Variants in PLCB2 observed in about 807,000 individuals in gnomAD.
The protein encoded by PLCB2 is phospholipase C beta 2.
Under a neutral mutation model 141.7 loss-of-function variants are expected in PLCB2, and 115 were observed. The ratio of observed to expected loss-of-function variants is 0.81; its 90% confidence interval spans 0.70 to 0.95. The LOEUF is 0.95. Ranked by LOEUF, PLCB2 falls within the 40% of genes least tolerant of loss-of-function variation. The pLI is 0.00. For synonymous variants in PLCB2, 603 were observed against 595.6 expected, an observed-to-expected ratio of 1.01 and a Z score of -0.18; for missense variants, 1,403 against 1,541.1, an observed-to-expected ratio of 0.91 and a Z score of 1.50.
In PLCB2 at chr15:40,292,107, G is replaced by T; in HGVS notation, c.2483C>A (p.Thr828Lys). ...NPIKFFSAHD[T>K]KSVKLKEAMG... ...GGCCTCCTTGAGCTTCACAGACTTC[G>T]TGTCATGGGCACTGAAGAACTTAAT... Residue 828 changes from threonine to lysine, a missense_variant, in exon 23 of 32, where the codon ACG (threonine) becomes AAG (lysine). Thr to Lys is a moderately conservative substitution (Grantham distance 78, BLOSUM62 -1). Coordinates refer to ENST00000260402, the MANE Select transcript of PLCB2 (RefSeq NM_004573.3). The T allele has an allele frequency of 6.2e-7, 1 of 1,614,204 alleles. No homozygotes were observed. The highest frequency in any genetic ancestry group is 8.5e-7 in the Non-Finnish European group (1 of 1,180,034).
Position 40,294,438 on chromosome 15 carries a change from C to T in PLCB2, c.1907-18G>A. Reference sequence around the variant, plus strand: ...GGGCAAGTCTGGAGGGACAAGGACACTCAGTGAGGAAGGCCCAGCCCTGGG... The same window carrying T: ...GGGCAAGTCTGGAGGGACAAGGACATTCAGTGAGGAAGGCCCAGCCCTGGG... On this transcript the variant is annotated intron_variant, in intron 18 of 31. Coordinates refer to ENST00000260402, the MANE Select transcript of PLCB2 (RefSeq NM_004573.3). 6.2e-7 allele frequency: 1 copy of T among 1,613,770 alleles called. No individual in the cohort carries two copies. The highest frequency in any genetic ancestry group is 8.5e-7 in the Non-Finnish European group (1 of 1,179,954).
intron 1 of PLCB2, among the ~76,000 whole-genome samples, chr15:40,305,030 A>G (rs1219592597): frequency 6.6e-6 from 1 of 152,182 alleles, no homozygotes; most frequent in Non-Finnish European, 1.5e-5. Flanking sequence ...GGGAAAAGGG[A>G]AAATTTTTGT....
At position 40,292,925 on chromosome 15, in the gene PLCB2, C is replaced by T. The variant is rs200808230; in HGVS notation, c.2326+1G>A. The T allele has an allele frequency of 2.1e-5, 33 of 1,590,774 alleles. No homozygotes were observed. Among genetic ancestry groups the T allele is most frequent in the Non-Finnish European group, 2.8e-5 (33 of 1,163,506 alleles). ...GAACAGTGAAGGACCCCACTCCTTA[C>T]CAGAATTTAGGGCATTGATGGGGAT... On this transcript the variant is annotated splice_donor_variant, in intron 21 of 31. Transcript: ENST00000260402. LOFTEE classifies it high-confidence loss of function.
intron 7 of PLCB2, among the ~76,000 whole-genome samples, chr15:40,300,244 G>A (rs1273413272): frequency 1.3e-5 from 2 of 152,212 alleles, no homozygotes; most frequent in Non-Finnish European, 2.9e-5. Flanking sequence ...GAACCTGGGA[G>A]GCAGAGGTTG....
chr15:40,291,112 C>G lies in PLCB2; in HGVS notation c.2942G>C (p.Arg981Pro), dbSNP rs748328477. The change falls in exon 27 of 32, where the codon CGG becomes CCG. Residue 981 changes from arginine (R) to proline (P), a missense_variant. By Grantham distance (103) the Arg-to-Pro change is moderately radical (BLOSUM62 -2). Transcript: ENST00000260402. ...EGPEGVDGRVRELKDRLELEL... is the reference protein window; with the variant it reads ...EGPEGVDGRVPELKDRLELEL... ...CAGCTCCAGCCTGTCTTTCAGCTCC[C>G]GCACGCGCCCGTCCACGCCCTCAGG... 1 of 1,580,760 alleles carries G rather than the reference C, an allele frequency of 6.3e-7. No homozygotes were observed. Among genetic ancestry groups the G allele is most frequent in the Admixed American group, 1.7e-5 (1 of 57,806 alleles).
chr15:40,295,016 C>G lies in PLCB2; in HGVS notation c.1826G>C (p.Arg609Pro). 1 of 1,613,966 alleles carries G rather than the reference C, an allele frequency of 6.2e-7. No homozygotes were observed. Among genetic ancestry groups the G allele is most frequent in the Non-Finnish European group, 8.5e-7 (1 of 1,179,922 alleles). Residue 609 changes from arginine to proline, a missense_variant, in exon 18 of 32, where the codon CGC becomes CCC. Arg to Pro is a moderately radical substitution (Grantham distance 103). Coordinates refer to ENST00000260402, the MANE Select transcript of PLCB2 (RefSeq NM_004573.3). ...QMSRIYPKGT[R>P]MDSSNYMPQM... is the part of the protein sequence containing the mutation. ...GGGCATGTAGTTGGAGGAGTCCATG[C>G]GGGTTCCCTTGGGGTAAATGCGGCT...
Position 40,295,614 on chromosome 15 carries a change from C to A in PLCB2, c.1697-329G>T, listed in dbSNP as rs540727563. ...GGGGGTCAGTAACATGCTGTGCACACATGAAATGTGAACACATGCTTTGAT... is the reference window on the plus strand; with the variant it reads ...GGGGGTCAGTAACATGCTGTGCACAAATGAAATGTGAACACATGCTTTGAT... On this transcript the variant is annotated intron_variant, in intron 16 of 31. Coordinates refer to ENST00000260402, the MANE Select transcript of PLCB2 (RefSeq NM_004573.3). Among the ~76,000 whole-genome samples the A allele has an allele frequency of 1.7e-3, 261 of 152,292 alleles. 3 individuals carry two copies. Among genetic ancestry groups the A allele is most frequent in the Non-Finnish European group, 9.1e-4 (62 of 68,014 alleles).
chr15:40,302,264 A>C lies in PLCB2; in HGVS notation c.452+6T>G. The stretch of plus-strand genomic sequence containing the variant: ...CCAGGGCTCAGGCCAGGCAGAGGGC[A>C]CTTACATCTTGTCCAGGAAGGTGCT... On this transcript the variant is annotated splice_donor_region_variant and intron_variant, in intron 5 of 31. Transcript: ENST00000260402. 6.2e-7 allele frequency: 1 copy of C among 1,614,166 alleles called. No individual in the cohort carries two copies. Among genetic ancestry groups the C allele is most frequent in the South Asian group, 1.1e-5 (1 of 91,080 alleles).
chr15:40,297,571 G>A lies in PLCB2; in HGVS notation c.1273C>T (p.Arg425Trp), dbSNP rs369261333. 3.3e-5 allele frequency: 53 copies of A among 1,614,006 alleles called. No homozygotes were observed. Among genetic ancestry groups the A allele is most frequent in the East Asian group, 1.3e-4 (6 of 44,890 alleles). Reference protein sequence around the residue: ...RQQAKMAEYCRTIFGDMLLTE... With the variant: ...RQQAKMAEYCWTIFGDMLLTE... ...AGCAGCATATCCCCAAAGATCGTCCGGCAATACTCAGCCATCTTAGCCTGC... is the reference window on the plus strand; with the variant it reads ...AGCAGCATATCCCCAAAGATCGTCCAGCAATACTCAGCCATCTTAGCCTGC... Residue 425 changes from arginine (R) to tryptophan (W), a missense_variant, in exon 13 of 32, where the codon CGG (arginine) becomes TGG (tryptophan). Physicochemically the swap from Arg to Trp is moderately radical, Grantham distance 101. This residue lies in a region of PLCB2 where 975 missense variants were observed against 1,141.1 expected (regional missense o/e 0.85). Transcript: ENST00000260402. The surrounding 1 kb of genome is among the most constrained non-coding windows in gnomAD (Gnocchi z 4.2).
intron 1 of PLCB2, 52 bp downstream of exon 1, chr15:40,307,537 C>T: frequency 1.7e-6 from 2 of 1,207,928 alleles, no homozygotes; most frequent in Non-Finnish European, 1.2e-6. Context: ...CCCGTAGCAG[C>T]CCGGCCCCCA....
At chr15:40,284,575 C>T, downstream of PLCB2, 1 of 454,278 alleles carries the variant, frequency 2.2e-6, no homozygotes, top group Non-Finnish European at 4.4e-6. Flanking sequence ...GGTGCAGTGG[C>T]TCACGCCTGT....
intron 2 of PLCB2, 123 bp downstream of exon 2, chr15:40,303,878 C>T (rs2040654458): frequency 4.5e-6 from 3 of 667,884 alleles, no homozygotes. Flanking sequence ...GCCTCTGGAG[C>T]CACCCTTCCA....
At chr15:40,287,078 C>T (rs2039623048), downstream of PLCB2, among the ~76,000 whole-genome samples, 1 of 152,226 alleles carries the variant, frequency 6.6e-6, no homozygotes, top group Non-Finnish European at 1.5e-5. Flanking sequence ...GAATCCTCAC[C>T]TTTACAGCCC....
downstream of PLCB2, chr15:40,285,652 GA>G: frequency 1.0e-6 from 1 of 985,406 alleles, no homozygotes; most frequent in South Asian, 4.7e-5. Flanking sequence ...CTCAGCAGAA[GA>G]AAGGCTTTTC....
At position 40,290,098 on chromosome 15, in the gene PLCB2, G is replaced by T; in HGVS notation, c.3210-16C>A. ...TCTCTTCAACCTGTTGGTGTAATTG[G>T]AGTTTTAGAAAAGGGAGAAAACCCC... On this transcript the variant is annotated splice_polypyrimidine_tract_variant and intron_variant, in intron 29 of 31. Transcript: ENST00000260402. The T allele has an allele frequency of 1.9e-6, 3 of 1,577,862 alleles. No individual in the cohort carries two copies. Among genetic ancestry groups the T allele is most frequent in the Non-Finnish European group, 1.7e-6 (2 of 1,147,074 alleles).
chr15:40,296,347 G>C lies in PLCB2; in HGVS notation c.1645C>G (p.Leu549Val). Residue 549 changes from leucine to valine, a missense_variant, in exon 16 of 32, where the codon CTA becomes GTA. Physicochemically the swap from Leu to Val is conservative, Grantham distance 32 (BLOSUM62 1). Coordinates refer to ENST00000260402, the MANE Select transcript of PLCB2 (RefSeq NM_004573.3). The stretch of plus-strand genomic sequence containing the variant: ...TTGGTGGGCTGGATGTAATTGACTA[G>C]GCTGGACATCTCCTCATAAGCCGTC... ...EVTAYEEMSS[L>V]VNYIQPTKFV... 6.2e-7 allele frequency: 1 copy of C among 1,613,808 alleles called. No individual in the cohort carries two copies. Among genetic ancestry groups the C allele is most frequent in the Non-Finnish European group, 8.5e-7 (1 of 1,179,874 alleles).
At chr15:40,301,379 T>C in intron 7 of PLCB2, 1 of 599,544 alleles carries the variant, frequency 1.7e-6, no homozygotes, top group Non-Finnish European at 3.0e-6. Context: ...AGAGGGCTCC[T>C]TTTTGTAATT....
intron 13 of PLCB2, 76 bp from the exon 14 acceptor site, chr15:40,296,984 C>T (rs1232690515): frequency 1.4e-6 from 2 of 1,416,312 alleles, no homozygotes; most frequent in Non-Finnish European, 2.0e-6. Context: ...ACCAGGCATG[C>T]TCCCTCGGCC....
chr15:40,304,172 G>T, intron 1 of PLCB2, 94 bp from the exon 2 acceptor site: 1 of 793,842 alleles, frequency 1.3e-6, no homozygotes. Context: ...ATCTTCCCAG[G>T]AGGTGCCCAT....
Sources: allele counts gnomAD v4.1 joint callset (sites outside exome capture counted in the v4.1 genomes callset), GRCh38; gene constraint gnomAD v4.1.1; regional missense constraint gnomAD v4.1.1; non-coding constraint Gnocchi (gnomAD v3.1); transcripts MANE v1.5; gene names NCBI Gene and HGNC (gene_info 2026-07-23, HGNC 2026-07-21).